KIRREL3: variants seen among roughly 807,000 people sequenced by gnomAD.
The protein encoded by KIRREL3 is kirre like nephrin family adhesion molecule 3, also known as kin of IRRE-like protein 3.
In KIRREL3, 36 loss-of-function variants were observed where a neutral mutation model predicts 89.7. The observed-to-expected ratio is 0.40, with a 90% CI of 0.31 to 0.53. The LOEUF is 0.53. Among genes scored for constraint, KIRREL3 ranks in the 20% least tolerant of loss-of-function variants. The pLI, the probability that KIRREL3 is intolerant of heterozygous loss-of-function variation, is 0.49. For missense variants in KIRREL3, 864 were observed against 1,056.6 expected, an observed-to-expected ratio of 0.82 and a Z score of 2.53; for synonymous variants, 445 against 441.4, an observed-to-expected ratio of 1.01 and a Z score of -0.10.
chr11:126,910,449 T>C (rs1946772138), intron 1 of KIRREL3, among the ~76,000 whole-genome samples: 1 of 152,132 alleles, frequency 6.6e-6, no homozygotes, highest in Non-Finnish European at 1.5e-5. Flanking sequence ...AAGAGGAGCA[T>C]AACAAGGATT....
chr11:126,450,735 A>G (rs1170755963), intron 7 of KIRREL3, among the ~76,000 whole-genome samples: 2 of 139,756 alleles, frequency 1.4e-5, no homozygotes, highest in Non-Finnish European at 3.1e-5. Context: ...GAATGTGGGC[A>G]TGTGTGAGTG....
chr11:126,698,253 A>G (rs888300597), intron 1 of KIRREL3, among the ~76,000 whole-genome samples: 1 of 152,154 alleles, frequency 6.6e-6, no homozygotes, highest in African/African-American at 2.4e-5. Flanking sequence ...CCACGTTCTC[A>G]TGCTCACGGA....
At chr11:126,881,941 G>A (rs192671325) in intron 1 of KIRREL3, among the ~76,000 whole-genome samples, 1 of 152,320 alleles carries the variant, frequency 6.6e-6, no homozygotes. Flanking sequence ...ATTAGTGCTT[G>A]CAGGGATACA....
At chr11:126,848,053 G>T (rs865858020) in intron 1 of KIRREL3, among the ~76,000 whole-genome samples, 8 of 152,150 alleles carry the variant, frequency 5.3e-5, no homozygotes, top group Non-Finnish European at 2.9e-5. Context: ...CCTGTACAGG[G>T]TTCCTGACCT....
rs531272237 is a variant in KIRREL3 at position 126,587,549 on chromosome 11, T to A, written c.56-24637A>T. Among the ~76,000 whole-genome samples, 3 of 152,098 alleles carry A rather than the reference T, an allele frequency of 2.0e-5. No individual in the cohort carries two copies. The highest frequency in any genetic ancestry group is 4.4e-5 in the Non-Finnish European group (3 of 68,026). On this transcript the variant is annotated intron_variant, in intron 1 of 16. Transcript: ENST00000525144. This position sits in a 1 kb window ranked among gnomAD's most constrained non-coding sequence, Gnocchi z 5.2. The stretch of plus-strand genomic sequence containing the variant: ...GCTCTCGACTCCCCCAGCCTTTCAT[T>A]GTATGTGGAAGAGGAGCCAGAAATG...
chr11:126,828,355 G>GC (rs1444928166), intron 1 of KIRREL3, among the ~76,000 whole-genome samples: 1 of 151,992 alleles, frequency 6.6e-6, no homozygotes, highest in African/African-American at 2.4e-5. Context: ...GGTCTGAAAG[G>GC]CAGGTCTCCT....
rs904740503 is a variant in KIRREL3, at chr11:126,578,455, C to A, written c.56-15543G>T. On this transcript the variant is annotated intron_variant, in intron 1 of 16. Coordinates refer to ENST00000525144, the MANE Select transcript of KIRREL3 (RefSeq NM_032531.4). This position sits in a 1 kb window ranked among gnomAD's most constrained non-coding sequence, Gnocchi z 4.9. ...ACTTCCACATGAACGTGACTCCGTGCCTACCTGCTAATAAGAGCGGGAGTG... is the reference window on the plus strand; with the variant it reads ...ACTTCCACATGAACGTGACTCCGTGACTACCTGCTAATAAGAGCGGGAGTG... 6.6e-6 allele frequency among the ~76,000 whole-genome samples: 1 copy of A among 152,184 alleles called. No homozygotes were observed. Among genetic ancestry groups the A allele is most frequent in the Non-Finnish European group, 1.5e-5 (1 of 68,036 alleles).
At chr11:126,633,682 C>T (rs117835836) in intron 1 of KIRREL3, among the ~76,000 whole-genome samples, 13 of 152,286 alleles carry the variant, frequency 8.5e-5, no homozygotes, top group Admixed American at 3.3e-4. Flanking sequence ...AACCATGAGC[C>T]AATTAGATCT....
In KIRREL3 at chr11:126,740,440, A is replaced by G. The variant is rs558255026; in HGVS notation, c.56-177528T>C. ...TCTGCAGAAAAGTCTTTCTGGATAT[A>G]CCAGACCAGCCTTTGGTGTCACTAG... On this transcript the variant is annotated intron_variant, in intron 1 of 16. Coordinates refer to ENST00000525144, the MANE Select transcript of KIRREL3 (RefSeq NM_032531.4). The surrounding 1 kb of genome is among the most constrained non-coding windows in gnomAD (Gnocchi z 6.0). Among the ~76,000 whole-genome samples the G allele has an allele frequency of 1.3e-5, 2 of 152,252 alleles. No homozygotes were observed. Among genetic ancestry groups the G allele is most frequent in the East Asian group, 3.9e-4 (2 of 5,180 alleles).
At position 126,492,124 on chromosome 11, in the gene KIRREL3, A is replaced by G. The variant is rs1284775294; in HGVS notation, c.434-18658T>C. Among the ~76,000 whole-genome samples the G allele has an allele frequency of 2.0e-5, 3 of 152,170 alleles. No homozygotes were observed. Among genetic ancestry groups the G allele is most frequent in the Non-Finnish European group, 4.4e-5 (3 of 68,026 alleles). ...TCCTCCGGGCTTATAAAATGGACAA[A>G]AGGATAAGTTGCAGAGGGCCACCGA... is the stretch of plus-strand genomic sequence containing the variant. On this transcript the variant is annotated intron_variant, in intron 4 of 16. Transcript: ENST00000525144. The surrounding 1 kb of genome is among the most constrained non-coding windows in gnomAD (Gnocchi z 4.8).
In KIRREL3 at chr11:126,814,837, G is replaced by A. The variant is rs564015307; in HGVS notation, c.55+185618C>T. Among the ~76,000 whole-genome samples the A allele has an allele frequency of 1.8e-4, 28 of 152,284 alleles. No homozygotes were observed. The highest frequency in any genetic ancestry group is 8.5e-4 in the Admixed American group (13 of 15,300). On this transcript the variant is annotated intron_variant, in intron 1 of 16. Transcript: ENST00000525144. The surrounding 1 kb of genome is among the most constrained non-coding windows in gnomAD (Gnocchi z 4.4). ...TGGATGCTGGGCTTAATACCTGGGT[G>A]ATGGTGGTGGGTTCATCGGTGCAGC...
At chr11:126,882,213 A>G (rs1945531442) in intron 1 of KIRREL3, among the ~76,000 whole-genome samples, 1 of 152,118 alleles carries the variant, frequency 6.6e-6, no homozygotes, top group South Asian at 2.1e-4. Flanking sequence ...AAAATTGCCA[A>G]CCACTTGTTA....
rs991498543 is a variant in KIRREL3, at chr11:126,891,371, T to C, written c.55+109084A>G. 1.3e-5 allele frequency among the ~76,000 whole-genome samples: 2 copies of C among 152,144 alleles called. No individual in the cohort carries two copies. Among genetic ancestry groups the C allele is most frequent in the African/African-American group, 4.8e-5 (2 of 41,400 alleles). The stretch of plus-strand genomic sequence containing the variant: ...TGGAAAAAAGATATAATTTTAATTA[T>C]CAGCAGCTCCACTTAAAAAAATCTT... On this transcript the variant is annotated intron_variant, in intron 1 of 16. Coordinates refer to ENST00000525144, the MANE Select transcript of KIRREL3 (RefSeq NM_032531.4). The surrounding 1 kb of genome is among the most constrained non-coding windows in gnomAD (Gnocchi z 5.1).
chr11:126,792,859 T>C (rs1407540414), intron 1 of KIRREL3, among the ~76,000 whole-genome samples: 1 of 152,162 alleles, frequency 6.6e-6, no homozygotes, highest in East Asian at 1.9e-4. Flanking sequence ...GTGATAAAGC[T>C]ACCAATAACA....
rs115765231 is a variant in KIRREL3, at chr11:126,803,215, T to A, written c.55+197240A>T. On this transcript the variant is annotated intron_variant, in intron 1 of 16. Coordinates refer to ENST00000525144, the MANE Select transcript of KIRREL3 (RefSeq NM_032531.4). ...GCTCAGGGGACTTCATAAGAAAGTG[T>A]GAGACGTCCATGCTGTTTAGAGGAA... Among the ~76,000 whole-genome samples, 417 of 152,164 alleles carry A rather than the reference T, an allele frequency of 2.7e-3. 2 individuals carry two copies. The highest frequency in any genetic ancestry group is 9.2e-3 in the African/African-American group (383 of 41,532).
rs1048262003 is a variant in KIRREL3 at position 126,773,466 on chromosome 11, C to G, written c.56-210554G>C. Among the ~76,000 whole-genome samples the G allele has an allele frequency of 6.6e-6, 1 of 152,202 alleles. No individual in the cohort carries two copies. Among genetic ancestry groups the G allele is most frequent in the African/African-American group, 2.4e-5 (1 of 41,444 alleles). ...AGATTTTGGACTTACCAGTCTCCAT[C>G]GTTGTGTGAGCCAGTCCCTTAAAAT... is the stretch of plus-strand genomic sequence containing the variant. On this transcript the variant is annotated intron_variant, in intron 1 of 16. Coordinates refer to ENST00000525144, the MANE Select transcript of KIRREL3 (RefSeq NM_032531.4). The surrounding 1 kb of genome is among the most constrained non-coding windows in gnomAD (Gnocchi z 4.2).
At chr11:126,674,112 G>C (rs188662946) in intron 1 of KIRREL3, among the ~76,000 whole-genome samples, 289 of 152,306 alleles carry the variant, frequency 1.9e-3, no homozygotes, top group African/African-American at 6.5e-3. Context: ...TAGAATCTCC[G>C]TTGGAAACCA....
chr11:126,546,175 A>C (rs1197601668), intron 2 of KIRREL3, among the ~76,000 whole-genome samples: 3 of 152,226 alleles, frequency 2.0e-5, no homozygotes, highest in African/African-American at 7.2e-5. Flanking sequence ...TGTATCCATG[A>C]ATAATAACAC....
In KIRREL3 at chr11:126,995,222, G is replaced by C. The variant is rs1206977824; in HGVS notation, c.55+5233C>G. 6.6e-6 allele frequency: 3 copies of C among 456,086 alleles called. No homozygotes were observed. Among genetic ancestry groups the C allele is most frequent in the Non-Finnish European group, 1.3e-5 (3 of 226,974 alleles). The allele number at this position is 456,086 out of a possible 1,614,324, so 28.3% of individuals were successfully genotyped here. Reference sequence around the variant, plus strand: ...CTCCCACCGACCCTGCTCCAAGAGTGCTGGGATGTCCGCTGGCCTCGAGGC... The same window carrying C: ...CTCCCACCGACCCTGCTCCAAGAGTCCTGGGATGTCCGCTGGCCTCGAGGC... On this transcript the variant is annotated intron_variant, in intron 1 of 16. Coordinates refer to ENST00000525144, the MANE Select transcript of KIRREL3 (RefSeq NM_032531.4). The surrounding 1 kb of genome is among the most constrained non-coding windows in gnomAD (Gnocchi z 6.5).
Sources: allele counts gnomAD v4.1 joint callset (sites outside exome capture counted in the v4.1 genomes callset), GRCh38; gene constraint gnomAD v4.1.1; non-coding constraint Gnocchi (gnomAD v3.1); transcripts MANE v1.5; gene names NCBI Gene and HGNC (gene_info 2026-07-23, HGNC 2026-07-21).